The following HS6ST3 variants were observed in gnomAD, a reference collection of about 807,000 sequenced individuals.
HS6ST3 encodes the protein heparan-sulfate 6-O-sulfotransferase 3.
A neutral mutation model predicts 36.7 loss-of-function variants in HS6ST3; 12 were observed. The observed-to-expected ratio is 0.33, with a 90% CI of 0.21 to 0.53. HS6ST3 has a LOEUF of 0.53. Among genes scored for constraint, HS6ST3 ranks in the 20% least tolerant of loss-of-function variants. HS6ST3 has a pLI of 0.95. For missense variants in HS6ST3, 584 were observed against 640.9 expected, an observed-to-expected ratio of 0.91 and a Z score of 0.96; for synonymous variants, 240 against 257.5, an observed-to-expected ratio of 0.93 and a Z score of 0.65.
chr13:96,477,996 A>T (rs191864666), intron 1 of HS6ST3, among the ~76,000 whole-genome samples: 1 of 152,206 alleles, frequency 6.6e-6, no homozygotes, highest in Non-Finnish European at 1.5e-5. Context: ...TTGCCTGGGT[A>T]TCCATAAAAC....
At chr13:96,319,601 A>G (rs2054993880) in intron 1 of HS6ST3, among the ~76,000 whole-genome samples, 1 of 152,326 alleles carries the variant, frequency 6.6e-6, no homozygotes, top group African/African-American at 2.4e-5. Flanking sequence ...ATCATTTTCC[A>G]TTCCCATCAG....
At chr13:96,452,718 T>C (rs1001517027) in intron 1 of HS6ST3, among the ~76,000 whole-genome samples, 1 of 152,190 alleles carries the variant, frequency 6.6e-6, no homozygotes, top group Non-Finnish European at 1.5e-5. Flanking sequence ...GGCTATTAAT[T>C]TTCTTTTGGC....
chr13:96,199,050 A>G (rs2054328582), intron 1 of HS6ST3, among the ~76,000 whole-genome samples: 2 of 152,212 alleles, frequency 1.3e-5, no homozygotes, highest in African/African-American at 4.8e-5. Flanking sequence ...AGAGAGAAGC[A>G]AAAGCTGAAA....
chr13:96,354,263 A>G (rs1195048037), intron 1 of HS6ST3, among the ~76,000 whole-genome samples: 4 of 152,210 alleles, frequency 2.6e-5, no homozygotes, highest in Non-Finnish European at 5.9e-5. Context: ...CCTAACATGC[A>G]GAACACTGGT....
intron 1 of HS6ST3, among the ~76,000 whole-genome samples, chr13:96,709,918 C>T (rs1875519743): frequency 6.6e-6 from 1 of 152,164 alleles, no homozygotes; most frequent in Non-Finnish European, 1.5e-5. Context: ...CTTATGATTA[C>T]CTTTTGGTAG....
intron 1 of HS6ST3, among the ~76,000 whole-genome samples, chr13:96,322,700 A>C (rs1236556708): frequency 6.6e-6 from 1 of 152,240 alleles, no homozygotes; most frequent in Non-Finnish European, 1.5e-5. Context: ...CTTTACAGCG[A>C]AACTCTAAAA....
At chr13:96,542,202 T>A (rs969055181) in intron 1 of HS6ST3, among the ~76,000 whole-genome samples, 2 of 152,186 alleles carry the variant, frequency 1.3e-5, no homozygotes, top group African/African-American at 4.8e-5. Flanking sequence ...CTTCCTTGTA[T>A]TTGTAGCATT....
rs1878831433 is a variant in HS6ST3 at position 96,832,631 on chromosome 13, C to G, written c.849C>G (p.Thr283=). 1 of 1,614,044 alleles carries G rather than the reference C, an allele frequency of 6.2e-7. No homozygotes were observed. The highest frequency in any genetic ancestry group is 8.5e-7 in the Non-Finnish European group (1 of 1,180,030). ...GCCCCACCCCAGATGAGCTGCCTACCTGCTACCCTGGGGATGACTGGTCTG... is the reference window on the plus strand; with the variant it reads ...GCCCCACCCCAGATGAGCTGCCTACGTGCTACCCTGGGGATGACTGGTCTG... ...GRSPTPDELP[T]CYPGDDWSGV... Residue 283 remains threonine (T), a synonymous_variant, in exon 2 of 2, where the codon ACC becomes ACG. Transcript: ENST00000376705.
intron 1 of HS6ST3, among the ~76,000 whole-genome samples, chr13:96,711,516 G>A (rs923078560): frequency 4.6e-5 from 7 of 152,118 alleles, no homozygotes; most frequent in African/African-American, 1.7e-4. Flanking sequence ...GCATATAGGC[G>A]ATTGTGATAC....
rs1376062960 is a variant in HS6ST3 at position 96,835,600 on chromosome 13, CT to C, written c.*2403del. ...CTGCAAATTATCCTTCTGCCTGCCC[CT>C]GTGACACACACACACACACACACAC... On this transcript the variant is annotated 3_prime_UTR_variant, in exon 2 of 2. Coordinates refer to ENST00000376705, the MANE Select transcript of HS6ST3 (RefSeq NM_153456.4). 8.1e-6 allele frequency: 1 copy of C among 123,706 alleles called. No homozygotes were observed. The highest frequency in any genetic ancestry group is 1.7e-5 in the Non-Finnish European group (1 of 58,120). 7.7% of individuals were successfully genotyped at this position (123,706 alleles called of 1,614,324 possible). A position where few individuals can be genotyped will look rare whatever the true frequency, so the allele number is the denominator to read the frequency against.
chr13:96,562,771 T>C (rs1361227344), intron 1 of HS6ST3, among the ~76,000 whole-genome samples: 1 of 152,076 alleles, frequency 6.6e-6, no homozygotes, highest in African/African-American at 2.4e-5. Context: ...GAAGAAGGTT[T>C]GCCTGGGATT....
At chr13:96,374,920 C>T (rs2055307421) in intron 1 of HS6ST3, among the ~76,000 whole-genome samples, 1 of 152,140 alleles carries the variant, frequency 6.6e-6, no homozygotes, top group African/African-American at 2.4e-5. Flanking sequence ...TACGTATCAA[C>T]TAAGTAACAA....
rs76644756 is a variant in HS6ST3 at position 96,266,782 on chromosome 13, G to A, written c.707+175213G>A. Among the ~76,000 whole-genome samples, 137 of 152,158 alleles carry A rather than the reference G, an allele frequency of 9.0e-4. 1 individual carries two copies. The East Asian group carries it at 0.023, about 25-fold the overall frequency. On this transcript the variant is annotated intron_variant, in intron 1 of 1. Coordinates refer to ENST00000376705, the MANE Select transcript of HS6ST3 (RefSeq NM_153456.4). The stretch of plus-strand genomic sequence containing the variant: ...TTCATGCAACAAGTGCTTATTGAAC[G>A]CCTGTTCAATAAATGCCTATATGCC...
At chr13:96,382,375 A>G (rs980062290) in intron 1 of HS6ST3, among the ~76,000 whole-genome samples, 1 of 152,194 alleles carries the variant, frequency 6.6e-6, no homozygotes, top group East Asian at 1.9e-4. Context: ...CTTATTAAGT[A>G]CAGTCTTCAT....
At chr13:96,436,623 A>G (rs2055643946) in intron 1 of HS6ST3, among the ~76,000 whole-genome samples, 1 of 152,210 alleles carries the variant, frequency 6.6e-6, no homozygotes, top group Non-Finnish European at 1.5e-5. Flanking sequence ...CAACCTGACT[A>G]GTGTCCTTAT....
chr13:96,675,392 A>G (rs1029209658), intron 1 of HS6ST3, among the ~76,000 whole-genome samples: 8 of 152,108 alleles, frequency 5.3e-5, no homozygotes, highest in East Asian at 1.9e-4. Context: ...ATATTTATAT[A>G]TGTCACATTT....
At chr13:96,624,598 C>G (rs1237442016) in intron 1 of HS6ST3, among the ~76,000 whole-genome samples, 2 of 152,104 alleles carry the variant, frequency 1.3e-5, no homozygotes, top group African/African-American at 4.8e-5. Context: ...GGCTCCCATC[C>G]CTCCCTCCCA....
intron 1 of HS6ST3, among the ~76,000 whole-genome samples, chr13:96,095,805 C>T (rs941410668): frequency 6.6e-6 from 1 of 150,578 alleles, no homozygotes; most frequent in Non-Finnish European, 1.5e-5. Flanking sequence ...TCATTGTGTC[C>T]AGAGAGAGAG....
At chr13:96,121,360 A>G (rs1470662944) in intron 1 of HS6ST3, among the ~76,000 whole-genome samples, 1 of 152,214 alleles carries the variant, frequency 6.6e-6, no homozygotes, top group Non-Finnish European at 1.5e-5. Flanking sequence ...GAGTAAGGCT[A>G]GAATGATTAG....
Sources: allele counts gnomAD v4.1 joint callset (sites outside exome capture counted in the v4.1 genomes callset), GRCh38; gene constraint gnomAD v4.1.1; transcripts MANE v1.5; gene names NCBI Gene and HGNC (gene_info 2026-07-23, HGNC 2026-07-21).